Variants in FAM13A observed in about 807,000 individuals in gnomAD.
The protein encoded by FAM13A is family with sequence similarity 13 member A.
A neutral mutation model predicts 129.6 loss-of-function variants in FAM13A; 76 were observed. The observed-to-expected ratio is 0.59, with a 90% CI of 0.49 to 0.71. FAM13A has a LOEUF of 0.71. FAM13A is among the 30% of genes least tolerant of loss of function. FAM13A has a pLI of 0.00. For synonymous variants in FAM13A, 443 were observed against 449.9 expected (o/e 0.98, Z 0.20); for missense variants, 1,108 against 1,249.3 (o/e 0.89, Z 1.70).
At chr4:89,040,543 A>T (rs1162411665) in intron 1 of FAM13A, among the ~76,000 whole-genome samples, 1 of 152,180 alleles carries the variant, frequency 6.6e-6, no homozygotes, top group Non-Finnish European at 1.5e-5. Context: ...CAATCATACT[A>T]GCTTGGATAA....
chr4:88,898,475 G>GA (rs919378652), intron 6 of FAM13A, among the ~76,000 whole-genome samples: 1 of 151,768 alleles, frequency 6.6e-6, no homozygotes, highest in African/African-American at 2.4e-5. Context: ...TAATTTTCCA[G>GA]AAAAAAATCA....
At chr4:88,972,244 G>A (rs1019442684) in intron 4 of FAM13A, among the ~76,000 whole-genome samples, 9 of 150,298 alleles carry the variant, frequency 6.0e-5, no homozygotes, top group South Asian at 2.1e-4. Flanking sequence ...CAGGTCTACT[G>A]TCAACAAATT....
At chr4:88,918,077 A>ATTCCT (rs1294996363) in intron 5 of FAM13A, among the ~76,000 whole-genome samples, 1 of 152,208 alleles carries the variant, frequency 6.6e-6, no homozygotes, top group Admixed American at 6.5e-5. Flanking sequence ...GTTTGTAGAA[A>ATTCCT]TTCCTTTCCT....
intron 4 of FAM13A, among the ~76,000 whole-genome samples, chr4:88,954,233 A>G (rs1345268937): frequency 6.6e-6 from 1 of 152,222 alleles, no homozygotes; most frequent in Non-Finnish European, 1.5e-5. Context: ...CTTCATTTCA[A>G]AAGCTTAATA....
intron 5 of FAM13A, among the ~76,000 whole-genome samples, chr4:88,920,589 C>A (rs1014049818): frequency 1.3e-5 from 2 of 152,090 alleles, no homozygotes; most frequent in African/African-American, 4.8e-5. Flanking sequence ...GATAAAACCA[C>A]AAAGATGGGG....
intron 6 of FAM13A, among the ~76,000 whole-genome samples, chr4:88,902,730 T>C (rs558558315): frequency 8.7e-4 from 133 of 152,204 alleles, no homozygotes; most frequent in Middle Eastern, 3.4e-3. Flanking sequence ...ACCACTCCCA[T>C]TCAACATAAT....
At chr4:88,774,899 T>C (rs559866277) in intron 11 of FAM13A, among the ~76,000 whole-genome samples, 18 of 152,142 alleles carry the variant, frequency 1.2e-4, no homozygotes, top group East Asian at 3.9e-4. Context: ...ATGAAAAAGA[T>C]TGAGGAGAAG....
intron 4 of FAM13A, among the ~76,000 whole-genome samples, chr4:88,954,547 A>G (rs560865617): frequency 6.6e-6 from 1 of 152,296 alleles, no homozygotes; most frequent in East Asian, 1.9e-4. Context: ...TTAAACACCT[A>G]TACAAAAAAT....
At chr4:89,029,434 A>G in intron 2 of FAM13A, 26 bp downstream of exon 2, 2 of 1,562,932 alleles carry the variant, frequency 1.3e-6, no homozygotes, top group Non-Finnish European at 1.7e-6. Context: ...GTGAAAATGA[A>G]CAGACTAAAG....
intron 7 of FAM13A, among the ~76,000 whole-genome samples, chr4:88,818,045 A>T (rs959129280): frequency 3.3e-5 from 5 of 152,184 alleles, no homozygotes; most frequent in African/African-American, 1.2e-4. Context: ...GTGCAGTGGC[A>T]TGAACTCAGC....
chr4:88,927,691 G>A (rs1470496933), intron 5 of FAM13A, among the ~76,000 whole-genome samples: 1 of 151,698 alleles, frequency 6.6e-6, no homozygotes, highest in Non-Finnish European at 1.5e-5. Context: ...TATTTCTGTG[G>A]TGTAAGTTGT....
intron 6 of FAM13A, among the ~76,000 whole-genome samples, chr4:88,888,490 T>G (rs1242008487): frequency 6.6e-6 from 1 of 152,128 alleles, no homozygotes; most frequent in Admixed American, 6.6e-5. Flanking sequence ...CAAAAGTCAA[T>G]TTTTACATTT....
chr4:88,924,776 A>C (rs1259399985), intron 5 of FAM13A, among the ~76,000 whole-genome samples: 10 of 151,438 alleles, frequency 6.6e-5, no homozygotes, highest in Admixed American at 5.9e-4. Flanking sequence ...CAACCTACAA[A>C]ATGGGAGAAA....
chr4:88,792,514 TTC>T (rs1725380213), intron 8 of FAM13A, among the ~76,000 whole-genome samples: 1 of 152,096 alleles, frequency 6.6e-6, no homozygotes, highest in Non-Finnish European at 1.5e-5. Context: ...CCTTTCTGCT[TTC>T]TGTCTTTAAC....
intron 6 of FAM13A, among the ~76,000 whole-genome samples, chr4:88,857,040 T>G (rs906880867): frequency 6.6e-6 from 1 of 152,240 alleles, no homozygotes; most frequent in Non-Finnish European, 1.5e-5. Context: ...GATAATTTAA[T>G]GAATCTCTCC....
At chr4:88,866,730 T>C (rs1028528152) in intron 6 of FAM13A, among the ~76,000 whole-genome samples, 4 of 152,166 alleles carry the variant, frequency 2.6e-5, no homozygotes, top group African/African-American at 4.8e-5. Flanking sequence ...CTATGCTTGA[T>C]AGTTTGTAGA....
intron 4 of FAM13A, among the ~76,000 whole-genome samples, chr4:88,949,542 C>T (rs1186437985): frequency 6.6e-6 from 1 of 152,156 alleles, no homozygotes; most frequent in Non-Finnish European, 1.5e-5. Context: ...TTGTACTCTC[C>T]TGTCTCTGAA....
At chr4:88,793,314 A>T (rs1725534496) in intron 8 of FAM13A, among the ~76,000 whole-genome samples, 2 of 151,986 alleles carry the variant, frequency 1.3e-5, no homozygotes. Context: ...GAACCATCTA[A>T]ATCAGTTGTA....
At chr4:88,964,212 T>G (rs1202521312) in intron 4 of FAM13A, among the ~76,000 whole-genome samples, 2 of 152,166 alleles carry the variant, frequency 1.3e-5, no homozygotes, top group Non-Finnish European at 2.9e-5. Context: ...CTCAATTCAG[T>G]CCAAGAAATA....
Sources: gnomAD v4.1 joint callset for allele counts (sites outside exome capture counted in the v4.1 genomes callset) on GRCh38, gnomAD v4.1.1 for gene constraint, MANE v1.5 for transcripts, NCBI Gene and HGNC (gene_info 2026-07-23, HGNC 2026-07-21) for gene names.